MPP3: variants seen among roughly 807,000 people sequenced by gnomAD.
MPP3 encodes the protein MAGUK p55 scaffold protein 3.
MPP3 carries 48 observed loss-of-function variants against 80.7 expected under a neutral mutation model. The observed-to-expected ratio is 0.59, with a 90% CI of 0.47 to 0.76. MPP3 has a LOEUF of 0.76. MPP3 is among the 30% of genes least tolerant of loss of function. The pLI, the probability that MPP3 is intolerant of heterozygous loss-of-function variation, is 0.00. For missense variants in MPP3, 620 were observed against 763.0 expected (o/e 0.81, Z 2.21); for synonymous variants, 311 against 297.6 (o/e 1.04, Z -0.46).
intron 19 of MPP3, among the ~76,000 whole-genome samples, chr17:43,808,135 A>G (rs1375326361): frequency 6.6e-6 from 1 of 152,226 alleles, no homozygotes; most frequent in Admixed American, 6.5e-5. Context: ...TGGACAGTTA[A>G]AACTGAGAAT....
At position 43,820,980 on chromosome 17, in the gene MPP3, G is replaced by T. The variant is rs780742786; in HGVS notation, c.763C>A (p.Gln255Lys). ...IPCQEAGLPF[Q>K]RRQVLEVVSQ... is the part of the protein sequence containing the mutation. ...ACCACCTCCAGGACCTGCCTGCGCT[G>T]GAAGGGCAGGCCCGCCTCCTGGCAA... The change falls in exon 11 of 20, where the codon CAG becomes AAG. Residue 255 changes from glutamine (Q) to lysine (K), a missense_variant. By Grantham distance (53) the Gln-to-Lys change is moderately conservative (BLOSUM62 1). Transcript: ENST00000398389. 6 of 1,613,092 alleles carry T rather than the reference G, an allele frequency of 3.7e-6. No homozygotes were observed. In the East Asian group the frequency reaches 1.3e-4, roughly 36 times the overall value.
intron 5 of MPP3, among the ~76,000 whole-genome samples, chr17:43,830,537 G>A (rs2143160085): frequency 6.6e-6 from 1 of 152,262 alleles, no homozygotes; most frequent in South Asian, 2.1e-4. Flanking sequence ...GAGGAAATGG[G>A]AGCTCAGAGA....
At chr17:43,804,982 C>T (rs529554156) in intron 19 of MPP3, among the ~76,000 whole-genome samples, 6 of 152,158 alleles carry the variant, frequency 3.9e-5, no homozygotes, top group East Asian at 1.9e-4. Flanking sequence ...CGCACCATTG[C>T]GCTCCAGCCT....
intron 8 of MPP3, 116 bp from the exon 9 acceptor site, chr17:43,825,957 G>T (rs755263984): frequency 1.5e-6 from 1 of 675,504 alleles, no homozygotes; most frequent in Non-Finnish European, 2.7e-6. Flanking sequence ...CCAACTCGAG[G>T]TTTAAAGTTG....
intron 8 of MPP3, among the ~76,000 whole-genome samples, chr17:43,827,051 T>C: frequency 6.6e-6 from 1 of 151,938 alleles, no homozygotes; most frequent in Non-Finnish European, 1.5e-5. Flanking sequence ...ATTTCACTCT[T>C]GTTGCCCAGG....
chr17:43,815,306 T>C (rs1163883143), intron 14 of MPP3, among the ~76,000 whole-genome samples: 1 of 152,054 alleles, frequency 6.6e-6, no homozygotes, highest in African/African-American at 2.4e-5. Flanking sequence ...CACTCCAGTG[T>C]GGGTAACAGA....
chr17:43,829,975 C>T, intron 6 of MPP3, 52 bp downstream of exon 6: 1 of 1,587,414 alleles, frequency 6.3e-7, no homozygotes, highest in South Asian at 1.1e-5. Context: ...TCCCTCCGCC[C>T]CCATCCCAGG....
Position 43,801,955 on chromosome 17 carries a change from G to A in MPP3, c.1582-78C>T, listed in dbSNP as rs2044427370. ...ACCTATAACCTTTGTCTTGAGCAAT[G>A]TTCCAACCTTTAACTTTTAAGTGAT... On this transcript the variant is annotated intron_variant, in intron 19 of 19. Coordinates refer to ENST00000398389, the MANE Select transcript of MPP3 (RefSeq NM_001932.6). 15 of 1,458,648 alleles carry A rather than the reference G, an allele frequency of 1.0e-5. No homozygotes were observed. The South Asian group carries it at 1.8e-4, about 18-fold the overall frequency. 90.4% of individuals were successfully genotyped at this position (1,458,648 alleles called of 1,614,324 possible).
At chr17:43,804,628 C>T (rs922508090) in intron 19 of MPP3, among the ~76,000 whole-genome samples, 2 of 152,142 alleles carry the variant, frequency 1.3e-5, no homozygotes, top group Admixed American at 6.5e-5. Flanking sequence ...GCCTTGGATT[C>T]GACAATGATT....
Position 43,801,893 on chromosome 17 carries a change from T to C in MPP3, c.1582-16A>G. 6.2e-7 allele frequency: 1 copy of C among 1,606,710 alleles called. No homozygotes were observed. Among genetic ancestry groups the C allele is most frequent in the East Asian group, 2.2e-5 (1 of 44,810 alleles). ...GCTGCTCATCCTGCAAGGAAAGGGGTGGTAAAAGGAGCAACTGGGTTGTTC... is the reference window on the plus strand; with the variant it reads ...GCTGCTCATCCTGCAAGGAAAGGGGCGGTAAAAGGAGCAACTGGGTTGTTC... On this transcript the variant is annotated splice_polypyrimidine_tract_variant and intron_variant, in intron 19 of 19. Transcript: ENST00000398389.
intron 19 of MPP3, among the ~76,000 whole-genome samples, chr17:43,808,267 T>G (rs759618681): frequency 6.6e-6 from 1 of 152,118 alleles, no homozygotes; most frequent in Non-Finnish European, 1.5e-5. Context: ...TAAAGTCTAT[T>G]CTGGGACTGA....
Position 43,820,307 on chromosome 17 carries a change from T to C in MPP3, c.881+555A>G, listed in dbSNP as rs186891813. On this transcript the variant is annotated intron_variant, in intron 11 of 19. Transcript: ENST00000398389. ...TTCTCTGAGCATGCATTATAAAATA[T>C]ACATTAACTTAGGCTGGATCCAGTG... Among the ~76,000 whole-genome samples the C allele has an allele frequency of 2.6e-5, 4 of 152,234 alleles. No homozygotes were observed. In the East Asian group the frequency reaches 7.7e-4, roughly 29 times the overall value.
chr17:43,809,867 A>T (rs1038905033), intron 18 of MPP3, among the ~76,000 whole-genome samples: 7 of 152,194 alleles, frequency 4.6e-5, no homozygotes, highest in African/African-American at 1.7e-4. Flanking sequence ...TGACAGAGCA[A>T]GAATCTGTCT....
At chr17:43,815,537 G>A (rs1243780530) in intron 14 of MPP3, among the ~76,000 whole-genome samples, 1 of 151,940 alleles carries the variant, frequency 6.6e-6, no homozygotes, top group East Asian at 1.9e-4. Flanking sequence ...AGGACATTGA[G>A]GCTGCTGCAA....
At chr17:43,831,209 G>A (rs2045941864) in intron 5 of MPP3, 35 bp downstream of exon 5, 8 of 1,597,452 alleles carry the variant, frequency 5.0e-6, no homozygotes, top group South Asian at 1.1e-5. Context: ...GGTGGGGAGT[G>A]GGGCAGACAC....
chr17:43,814,494 G>A (rs1759779415), intron 14 of MPP3, 133 bp from the exon 15 acceptor site: 1 of 796,338 alleles, frequency 1.3e-6, no homozygotes. Context: ...ACCTCCTCCT[G>A]CTACTGGAAG....
intron 16 of MPP3, 133 bp downstream of exon 16, chr17:43,813,878 T>C: frequency 2.7e-6 from 2 of 745,058 alleles, no homozygotes; most frequent in South Asian, 3.7e-5. Flanking sequence ...GTCCCACAAT[T>C]TGCCAATAGC....
chr17:43,824,094 T>C (rs1481933846), intron 9 of MPP3, 89 bp from the exon 10 acceptor site: 1 of 942,802 alleles, frequency 1.1e-6, no homozygotes, highest in Non-Finnish European at 1.6e-6. Context: ...AAAACTGATG[T>C]TCAGAAAGTC....
Position 43,831,273 on chromosome 17 carries a change from G to C in MPP3, c.193C>G (p.Leu65Val). ...TCAGCGAGGGCCACAGCGCTGTGCA[G>C]AACTGGGGTTGGACTTTGCCTTTCA... Reference protein sequence around the residue: ...YYERQSPTPVLHSAVALAEDV... With the variant: ...YYERQSPTPVVHSAVALAEDV... Residue 65 changes from leucine to valine, a missense_variant, in exon 5 of 20, where the codon CTG becomes GTG. Transcript: ENST00000398389. The C allele has an allele frequency of 2.5e-6, 4 of 1,614,114 alleles. No individual in the cohort carries two copies. The highest frequency in any genetic ancestry group is 1.3e-5 in the African/African-American group (1 of 75,068).
Sources: allele counts gnomAD v4.1 joint callset (sites outside exome capture counted in the v4.1 genomes callset), GRCh38; gene constraint gnomAD v4.1.1; transcripts MANE v1.5; gene names NCBI Gene and HGNC (gene_info 2026-07-23, HGNC 2026-07-21).